The following PTP4A1 variants were observed in gnomAD, a reference collection of about 807,000 sequenced individuals.
PTP4A1 encodes the protein protein tyrosine phosphatase 4A1, also known as protein tyrosine phosphatase type IVA 1.
In PTP4A1, 9 loss-of-function variants were observed where a neutral mutation model predicts 20.5. The ratio of observed to expected loss-of-function variants is 0.44; its 90% CI spans 0.26 to 0.77. PTP4A1 has a LOEUF of 0.77. Among genes scored for constraint, PTP4A1 ranks in the 30% least tolerant of loss-of-function variants. The pLI is 0.19. For missense variants in PTP4A1, 137 were observed against 218.8 expected (o/e 0.63, Z 2.36); for synonymous variants, 78 against 67.4 (o/e 1.16, Z -0.77).
intron 3 of PTP4A1, among the ~76,000 whole-genome samples, chr6:63,555,743 G>T (rs1316138682): frequency 6.7e-6 from 1 of 150,238 alleles, no homozygotes; most frequent in East Asian, 1.9e-4. Flanking sequence ...ACCCAGCCTG[G>T]AGTGCAATGG....
chr6:63,572,584 T>C lies in PTP4A1; in HGVS notation c.-581T>C. On this transcript the variant is annotated 5_prime_UTR_variant, in exon 1 of 6. Coordinates refer to ENST00000626021, the MANE Select transcript of PTP4A1 (RefSeq NM_003463.5). The stretch of plus-strand genomic sequence containing the variant: ...AGAGTCTGGTGCCCCCGCCGCCGCC[T>C]GCATCGCCGCCACCGCCGCTCCGCC... 1 of 415,922 alleles carries C rather than the reference T, an allele frequency of 2.4e-6. No homozygotes were observed. The highest frequency in any genetic ancestry group is 4.4e-5 in the Admixed American group (1 of 22,802). The allele number at this position is 415,922 out of a possible 1,614,324, so 25.8% of individuals were successfully genotyped here.
upstream of PTP4A1, among the ~76,000 whole-genome samples, chr6:63,567,947 A>G (rs1393355783): frequency 6.6e-6 from 1 of 152,218 alleles, no homozygotes; most frequent in Non-Finnish European, 1.5e-5. Flanking sequence ...CACCTCTGCT[A>G]TCTTCAGACT....
chr6:63,583,142 T>A lies in PTP4A1; in HGVS notation c.*2968T>A, dbSNP rs977534441. On this transcript the variant is annotated 3_prime_UTR_variant, in exon 6 of 6. Transcript: ENST00000626021. ...AAGAGAGAATGCTTTCTATTGGAGTTTCAGGAAATATAATTTGAGAATACT... is the reference window on the plus strand; with the variant it reads ...AAGAGAGAATGCTTTCTATTGGAGTATCAGGAAATATAATTTGAGAATACT... The A allele has an allele frequency of 2.6e-5, 4 of 152,196 alleles. No homozygotes were observed. Among genetic ancestry groups the A allele is most frequent in the African/African-American group, 9.7e-5 (4 of 41,440 alleles). The allele number at this position is 152,196 out of a possible 1,614,324, so 9.4% of individuals were successfully genotyped here. A position where few individuals can be genotyped will look rare whatever the true frequency, so the allele number is the denominator to read the frequency against.
At chr6:63,576,411 C>T in intron 1 of PTP4A1, 25 bp from the exon 2 acceptor site, 1 of 399,666 alleles carries the variant, frequency 2.5e-6, no homozygotes, top group Non-Finnish European at 4.4e-6. Flanking sequence ...CTTATTCTCT[C>T]TTTCTGTCTT....
chr6:63,554,006 C>G (rs1327506475), intron 3 of PTP4A1, among the ~76,000 whole-genome samples: 1 of 152,144 alleles, frequency 6.6e-6, no homozygotes, highest in Admixed American at 6.5e-5. Context: ...TTTCCAATTA[C>G]CAGTCTAGAA....
At chr6:63,519,861 C>A (rs948250978), upstream of PTP4A1, among the ~76,000 whole-genome samples, 1 of 152,160 alleles carries the variant, frequency 6.6e-6, no homozygotes, top group African/African-American at 2.4e-5. Context: ...TCAATAAAAA[C>A]CATTCTGTTC....
At chr6:63,548,708 T>G in intron 2 of PTP4A1, 1 of 621,268 alleles carries the variant, frequency 1.6e-6, no homozygotes, top group South Asian at 1.9e-5. Flanking sequence ...CAGTGTACAT[T>G]TAACCCAGCT....
At chr6:63,560,215 G>A (rs1017236436) in intron 3 of PTP4A1, among the ~76,000 whole-genome samples, 1 of 151,512 alleles carries the variant, frequency 6.6e-6, no homozygotes, top group Non-Finnish European at 1.5e-5. Flanking sequence ...GCAAGCGCCT[G>A]TAATCCCAGC....
intron 3 of PTP4A1, among the ~76,000 whole-genome samples, chr6:63,565,857 TAA>T (rs1777169539): frequency 1.3e-5 from 2 of 152,232 alleles, no homozygotes; most frequent in African/African-American, 2.4e-5. Context: ...GGAAGAAAAT[TAA>T]GTCACTTTTT....
chr6:63,540,470 A>T (rs953360954), intron 2 of PTP4A1, among the ~76,000 whole-genome samples: 5 of 151,710 alleles, frequency 3.3e-5, no homozygotes, highest in African/African-American at 1.2e-4. Context: ...AAAGTACAAA[A>T]ATTAGCCGGG....
At position 63,580,544 on chromosome 6, in the gene PTP4A1, T is replaced by TTGTA. The variant is rs1440525282; in HGVS notation, c.*372_*375dup. 4 of 171,656 alleles carry TTGTA rather than the reference T, an allele frequency of 2.3e-5. No homozygotes were observed. In the East Asian group the frequency reaches 4.5e-4, roughly 19 times the overall value. The allele number at this position is 171,656 out of a possible 1,614,324, so 10.6% of individuals were successfully genotyped here. A position where few individuals can be genotyped will look rare whatever the true frequency, so the allele number is the denominator to read the frequency against. On this transcript the variant is annotated 3_prime_UTR_variant, in exon 6 of 6. Transcript: ENST00000626021. ...GGTGCCAAAATACCCAGCACAATAC[T>TTGTA]TGTATATTTTTAGTACCATACAGAA...
intron 1 of PTP4A1, among the ~76,000 whole-genome samples, chr6:63,522,378 GA>G (rs1040429988): frequency 6.6e-6 from 1 of 152,162 alleles, no homozygotes; most frequent in Non-Finnish European, 1.5e-5. Flanking sequence ...TAGTTAAACA[GA>G]AGATAAACAA....
At chr6:63,525,451 C>T (rs1356532526) in intron 1 of PTP4A1, among the ~76,000 whole-genome samples, 3 of 152,216 alleles carry the variant, frequency 2.0e-5, no homozygotes, top group Non-Finnish European at 4.4e-5. Flanking sequence ...AGCTGTGGTT[C>T]TTCACGCCAG....
chr6:63,566,990 CTCAT>C (rs1487620023), intron 3 of PTP4A1, among the ~76,000 whole-genome samples: 1 of 152,222 alleles, frequency 6.6e-6, no homozygotes, highest in African/African-American at 2.4e-5. Context: ...GAAGCAACTC[CTCAT>C]TCATTCAAGT....
At chr6:63,539,580 A>G (rs1206152948) in intron 2 of PTP4A1, among the ~76,000 whole-genome samples, 3 of 152,144 alleles carry the variant, frequency 2.0e-5, no homozygotes, top group Non-Finnish European at 4.4e-5. Flanking sequence ...GTTCAAGACC[A>G]TCCTGGCCAA....
intron 1 of PTP4A1, among the ~76,000 whole-genome samples, chr6:63,575,548 G>C (rs1183873153): frequency 1.3e-5 from 2 of 152,126 alleles, no homozygotes; most frequent in African/African-American, 4.8e-5. Flanking sequence ...GGTTACAGTA[G>C]TTACCTTGCT....
intron 2 of PTP4A1, among the ~76,000 whole-genome samples, chr6:63,530,739 A>C (rs1467518547): frequency 6.6e-6 from 1 of 152,256 alleles, no homozygotes. Context: ...AAATTTCTAG[A>C]GGCATACCTG....
intron 2 of PTP4A1, among the ~76,000 whole-genome samples, chr6:63,547,818 G>T (rs1014627228): frequency 6.6e-6 from 1 of 152,122 alleles, no homozygotes; most frequent in African/African-American, 2.4e-5. Flanking sequence ...GCCCAGGGGG[G>T]GATTTGTTAA....
At chr6:63,573,172 CGGA>C (rs1366631175) in intron 1 of PTP4A1, 2 of 154,318 alleles carry the variant, frequency 1.3e-5, no homozygotes, top group Non-Finnish European at 2.9e-5. Flanking sequence ...TTTGTTCGGC[CGGA>C]GGAGAGTGGC....
Sources: allele counts gnomAD v4.1 joint callset (sites outside exome capture counted in the v4.1 genomes callset), GRCh38; gene constraint gnomAD v4.1.1; transcripts MANE v1.5; gene names NCBI Gene and HGNC (gene_info 2026-07-23, HGNC 2026-07-21).